PARD3B: variants seen among roughly 807,000 people sequenced by gnomAD.
The protein encoded by PARD3B is par-3 family cell polarity regulator beta.
A neutral mutation model predicts 130.2 loss-of-function variants in PARD3B; 103 were observed. That is an observed-to-expected ratio of 0.79 (90% CI 0.67 to 0.93). PARD3B has a LOEUF of 0.93. PARD3B is among the 40% of genes least tolerant of loss of function. The pLI is 0.00. For synonymous variants in PARD3B, 583 were observed against 553.2 expected (o/e 1.05, Z -0.76); for missense variants, 1,609 against 1,499.2 (o/e 1.07, Z -1.21).
intron 8 of PARD3B, among the ~76,000 whole-genome samples, chr2:205,123,222 A>G (rs1183497814): frequency 6.6e-6 from 1 of 152,230 alleles, no homozygotes; most frequent in African/African-American, 2.4e-5. Flanking sequence ...GGTTGTAGGA[A>G]GGAAAAAAGA....
At chr2:204,783,386 G>A (rs557436447) in intron 2 of PARD3B, among the ~76,000 whole-genome samples, 5 of 152,058 alleles carry the variant, frequency 3.3e-5, no homozygotes, top group African/African-American at 7.2e-5. Context: ...CTTTAAAGTC[G>A]GTTCTTTTCT....
At chr2:204,893,795 A>C in intron 2 of PARD3B, among the ~76,000 whole-genome samples, 1 of 152,182 alleles carries the variant, frequency 6.6e-6, no homozygotes, top group East Asian at 1.9e-4. Flanking sequence ...AGTGGCTACC[A>C]TACTGAATAG....
In PARD3B at chr2:205,190,304, C is replaced by T. The variant is rs553018491; in HGVS notation, c.2025-2901C>T. Among the ~76,000 whole-genome samples the T allele has an allele frequency of 1.9e-3, 283 of 152,270 alleles. 1 individual carries two copies. Among genetic ancestry groups the T allele is most frequent in the African/African-American group, 6.5e-3 (272 of 41,542 alleles). ...AACACATTGTTCAGTTGGGTAGATTCTCAGTCTGCCTTGAGCAGAGCACTT... is the reference window on the plus strand; with the variant it reads ...AACACATTGTTCAGTTGGGTAGATTTTCAGTCTGCCTTGAGCAGAGCACTT... On this transcript the variant is annotated intron_variant, in intron 14 of 22. Transcript: ENST00000406610.
chr2:205,202,546 C>T (rs1290165995), intron 15 of PARD3B, among the ~76,000 whole-genome samples: 1 of 152,164 alleles, frequency 6.6e-6, no homozygotes, highest in Non-Finnish European at 1.5e-5. Flanking sequence ...GTGGCAAATG[C>T]CAGGCCATCC....
At position 205,074,560 on chromosome 2, in the gene PARD3B, A is replaced by G. The variant is rs181897721; in HGVS notation, c.504+26870A>G. ...ACTTAGTTGCTCTGCCCTCTATGTC[A>G]TTCTTAGTGAAAATGCTGTGATCAG... On this transcript the variant is annotated intron_variant, in intron 4 of 22. Transcript: ENST00000406610. Among the ~76,000 whole-genome samples, 27 of 152,320 alleles carry G rather than the reference A, an allele frequency of 1.8e-4. No homozygotes were observed. The East Asian group carries it at 4.8e-3, about 27-fold the overall frequency.
intron 4 of PARD3B, among the ~76,000 whole-genome samples, chr2:205,069,873 C>G (rs1575697114): frequency 1.3e-5 from 2 of 152,262 alleles, no homozygotes; most frequent in South Asian, 4.1e-4. Context: ...TATCTACACT[C>G]TACACTGCCT....
chr2:205,412,437 C>G (rs2046631796), intron 19 of PARD3B, among the ~76,000 whole-genome samples: 1 of 152,188 alleles, frequency 6.6e-6, no homozygotes, highest in Non-Finnish European at 1.5e-5. Flanking sequence ...CTTGGAGAAA[C>G]TTACATAGAT....
intron 13 of PARD3B, among the ~76,000 whole-genome samples, chr2:205,178,385 G>A (rs2035604432): frequency 6.6e-6 from 1 of 151,984 alleles, no homozygotes; most frequent in African/African-American, 2.4e-5. Flanking sequence ...CCCAGGAGGC[G>A]GAGCTTGCAG....
intron 10 of PARD3B, among the ~76,000 whole-genome samples, chr2:205,156,636 G>A (rs56242731): frequency 0.035 from 5,262 of 151,904 alleles, 181 homozygotes; most frequent in African/African-American, 0.089. Context: ...TAAACATGGC[G>A]TTTATTTGCT....
intron 20 of PARD3B, among the ~76,000 whole-genome samples, chr2:205,456,771 T>C (rs1308957721): frequency 6.6e-6 from 1 of 150,660 alleles, no homozygotes; most frequent in South Asian, 2.1e-4. Context: ...TTTCTAGTCA[T>C]AGTATATAAT....
chr2:205,224,235 G>C (rs1260578677), intron 15 of PARD3B, among the ~76,000 whole-genome samples: 3 of 146,960 alleles, frequency 2.0e-5, no homozygotes, highest in Middle Eastern at 3.9e-3. Context: ...GCCGGGCATG[G>C]TGGCAGGTGC....
At chr2:204,979,555 A>G (rs1354157949) in intron 3 of PARD3B, among the ~76,000 whole-genome samples, 1 of 152,218 alleles carries the variant, frequency 6.6e-6, no homozygotes, top group Non-Finnish European at 1.5e-5. Context: ...CAGACAATAT[A>G]TGGAAAACAA....
chr2:205,229,407 A>AG lies in PARD3B; in HGVS notation c.2141-16369dup, dbSNP rs759438234. ...TGCTGTGACTCTTACAGACTTGTAG[A>AG]GGTGCCATGTTGGTGGTCTTGGATA... On this transcript the variant is annotated intron_variant, in intron 15 of 22. Transcript: ENST00000406610. The surrounding 1 kb of genome is among the most constrained non-coding windows in gnomAD (Gnocchi z 5.2). 6.6e-6 allele frequency among the ~76,000 whole-genome samples: 1 copy of AG among 152,220 alleles called. No homozygotes were observed. The highest frequency in any genetic ancestry group is 1.5e-5 in the Non-Finnish European group (1 of 68,028).
At chr2:205,523,241 A>T (rs1039895613) in intron 21 of PARD3B, among the ~76,000 whole-genome samples, 2 of 145,322 alleles carry the variant, frequency 1.4e-5, no homozygotes, top group African/African-American at 5.1e-5. Flanking sequence ...ATATATATAT[A>T]TTTATATATA....
chr2:205,237,290 C>T (rs567055064), intron 15 of PARD3B, among the ~76,000 whole-genome samples: 6 of 152,144 alleles, frequency 3.9e-5, no homozygotes, highest in East Asian at 3.9e-4. Flanking sequence ...TCAGTAGAGA[C>T]GGGGTTTCAC....
intron 2 of PARD3B, among the ~76,000 whole-genome samples, chr2:204,789,585 TGC>T (rs1451056783): frequency 6.6e-6 from 1 of 152,248 alleles, no homozygotes; most frequent in Non-Finnish European, 1.5e-5. Context: ...ATTTTAATTC[TGC>T]AATGAAGCAA....
At chr2:205,186,421 A>C (rs929498278) in intron 14 of PARD3B, among the ~76,000 whole-genome samples, 3 of 152,198 alleles carry the variant, frequency 2.0e-5, no homozygotes. Context: ...CTAAGCATAC[A>C]TACTATTTGA....
At chr2:204,783,179 C>T (rs1386751346) in intron 2 of PARD3B, among the ~76,000 whole-genome samples, 2 of 152,122 alleles carry the variant, frequency 1.3e-5, no homozygotes, top group Non-Finnish European at 2.9e-5. Context: ...GGAGACAATG[C>T]AGTTTAGAAC....
rs1455913501 is a variant in PARD3B at position 205,575,530 on chromosome 2, A to T, written c.3260+22127A>T. ...AAAATCTTAAGTGCTCTTCCTAGTC[A>T]TACCCCACTCCACACCATTACCCCT... On this transcript the variant is annotated intron_variant, in intron 22 of 22. Transcript: ENST00000406610. The surrounding 1 kb of genome is among the most constrained non-coding windows in gnomAD (Gnocchi z 4.6). Among the ~76,000 whole-genome samples the T allele has an allele frequency of 6.6e-6, 1 of 152,006 alleles. No homozygotes were observed. Among genetic ancestry groups the T allele is most frequent in the Non-Finnish European group, 1.5e-5 (1 of 67,982 alleles).
Sources: allele counts gnomAD v4.1 joint callset (sites outside exome capture counted in the v4.1 genomes callset), GRCh38; gene constraint gnomAD v4.1.1; non-coding constraint Gnocchi (gnomAD v3.1); transcripts MANE v1.5; gene names NCBI Gene and HGNC (gene_info 2026-07-23, HGNC 2026-07-21).